Variants in MPDZ observed in about 807,000 individuals in gnomAD.
The protein encoded by MPDZ is multiple PDZ domain protein.
Under a neutral mutation model 239.1 loss-of-function variants are expected in MPDZ, and 234 were observed. The observed-to-expected ratio is 0.98, with a 90% CI of 0.88 to 1.09. MPDZ has a LOEUF of 1.09. Ranked by LOEUF, MPDZ falls within the 50% of genes least tolerant of loss-of-function variation. The pLI is 0.00. For synonymous variants in MPDZ, 1,048 were observed against 881.3 expected (o/e 1.19, Z -3.35); for missense variants, 3,175 against 2,510.0 (o/e 1.26, Z -5.66).
intron 17 of MPDZ, among the ~76,000 whole-genome samples, chr9:13,188,128 A>AT (rs1191005615): frequency 6.6e-6 from 1 of 152,142 alleles, no homozygotes; most frequent in Non-Finnish European, 1.5e-5. Flanking sequence ...AATGCTATTA[A>AT]TTTTTTTAAC....
chr9:13,186,303 A>T lies in MPDZ; in HGVS notation c.2448T>A (p.Ala816=), dbSNP rs1356889438. The T allele has an allele frequency of 1.3e-6, 2 of 1,594,480 alleles. No homozygotes were observed. The highest frequency in any genetic ancestry group is 2.3e-5 in the South Asian group (2 of 87,392). The change falls in exon 18 of 47, where the codon GCT becomes GCA. Residue 816 remains alanine (A), a synonymous_variant. Coordinates refer to ENST00000319217, the MANE Select transcript of MPDZ (RefSeq NM_001378778.1). ...PPHSCEEAGL[A]DKPLFRADLA... is the part of the protein sequence containing the mutation. ...AGTCAGCCCTGAAGAGGGGTTTGTCAGCCAGCCCTGCTTCCTCACAGGAGT... is the reference window on the plus strand; with the variant it reads ...AGTCAGCCCTGAAGAGGGGTTTGTCTGCCAGCCCTGCTTCCTCACAGGAGT...
intron 26 of MPDZ, among the ~76,000 whole-genome samples, chr9:13,146,758 T>C (rs2132799435): frequency 6.6e-6 from 1 of 152,172 alleles, no homozygotes; most frequent in South Asian, 2.1e-4. Flanking sequence ...AATTTTTTTT[T>C]TCATGAGGCA....
chr9:13,115,066 C>A (rs1943171711), intron 40 of MPDZ, among the ~76,000 whole-genome samples, 182 bp downstream of exon 40: 1 of 152,140 alleles, frequency 6.6e-6, no homozygotes, highest in Non-Finnish European at 1.5e-5. Context: ...TACTCAACAG[C>A]CACACCTTGT....
In MPDZ at chr9:13,176,367, C is replaced by T. The variant is rs770487666; in HGVS notation, c.2700G>A (p.Leu900=). Residue 900 remains leucine (L), a synonymous_variant, in exon 20 of 47, where the codon CTG becomes CTA. Transcript: ENST00000319217. ...GGAGATTCTGGGTATATAGTTCCTC[C>T]AGAGACATATGCAGATCAAGTACTG... is the stretch of plus-strand genomic sequence containing the variant. ...CDPVLDLHMS[L]EELYTQNLLQ... 5.6e-6 allele frequency: 9 copies of T among 1,605,308 alleles called. No individual in the cohort carries two copies. The highest frequency in any genetic ancestry group is 1.7e-4 in the Middle Eastern group (1 of 6,048).
At chr9:13,271,175 T>C (rs150591789) in intron 1 of MPDZ, among the ~76,000 whole-genome samples, 109 of 152,340 alleles carry the variant, frequency 7.2e-4, no homozygotes, top group African/African-American at 2.5e-3. Context: ...TTTTAAACTA[T>C]TGACTTACAT....
At chr9:13,138,531 G>C (rs1283466492) in intron 28 of MPDZ, among the ~76,000 whole-genome samples, 1 of 152,232 alleles carries the variant, frequency 6.6e-6, no homozygotes, top group Non-Finnish European at 1.5e-5. Flanking sequence ...TCACTGATCA[G>C]TGGGAGCTTT....
intron 1 of MPDZ, 137 bp downstream of exon 1, chr9:13,279,263 A>ACCCCCCCCCCCGCCCCCG (rs1306373701): frequency 5.8e-5 from 2 of 34,422 alleles, no homozygotes; most frequent in Non-Finnish European, 6.3e-5. Flanking sequence ...CCCCACCCCC[A>ACCCCCCCCCCCGCCCCCG]CCCCCACCCC....
chr9:13,170,658 T>C (rs1332470803), intron 21 of MPDZ, among the ~76,000 whole-genome samples: 1 of 152,192 alleles, frequency 6.6e-6, no homozygotes, highest in Non-Finnish European at 1.5e-5. Context: ...CATCTTGTTC[T>C]TATTAGCACC....
At chr9:13,252,080 G>C (rs1968189701) in intron 1 of MPDZ, among the ~76,000 whole-genome samples, 1 of 152,146 alleles carries the variant, frequency 6.6e-6, no homozygotes, top group African/African-American at 2.4e-5. Context: ...TTAATGTCCA[G>C]TCAGTATATT....
intron 30 of MPDZ, 48 bp from the exon 31 acceptor site, chr9:13,136,230 T>C: frequency 7.7e-7 from 1 of 1,299,004 alleles, no homozygotes; most frequent in Non-Finnish European, 1.1e-6. Context: ...GGTATTATTT[T>C]CATTCTCTTA....
rs1941420069 is a variant in MPDZ, at chr9:13,106,046, T to C, written c.*919A>G. 1 of 152,204 alleles carries C rather than the reference T, an allele frequency of 6.6e-6. No individual in the cohort carries two copies. The highest frequency in any genetic ancestry group is 2.4e-5 in the African/African-American group (1 of 41,454). The allele number at this position is 152,204 out of a possible 1,614,324, so 9.4% of individuals were successfully genotyped here. ...ACCAAAATAATTAGTAACACATTGT[T>C]CTCTGTCATTAAGATTAATATGAAT... is the stretch of plus-strand genomic sequence containing the variant. On this transcript the variant is annotated 3_prime_UTR_variant, in exon 47 of 47. Transcript: ENST00000319217.
chr9:13,161,301 G>A (rs1313823714), intron 23 of MPDZ, among the ~76,000 whole-genome samples: 1 of 152,006 alleles, frequency 6.6e-6, no homozygotes, highest in African/African-American at 2.4e-5. Flanking sequence ...CAGGCATGGC[G>A]GCTCACGCTT....
intron 23 of MPDZ, among the ~76,000 whole-genome samples, chr9:13,161,575 A>G (rs1171451153): frequency 6.6e-6 from 1 of 151,282 alleles, no homozygotes; most frequent in Non-Finnish European, 1.5e-5. Flanking sequence ...CTCCGTCTCA[A>G]AAAAAAAAGA....
intron 19 of MPDZ, 43 bp downstream of exon 19, chr9:13,183,375 A>T: frequency 1.3e-6 from 2 of 1,532,530 alleles, no homozygotes; most frequent in South Asian, 2.5e-5. Context: ...AAAATTACAC[A>T]CAAGACTTTC....
In MPDZ at chr9:13,224,365, T is replaced by G. The variant is rs776382894; in HGVS notation, c.393+9A>C. 7 of 1,600,898 alleles carry G rather than the reference T, an allele frequency of 4.4e-6. No individual in the cohort carries two copies. The highest frequency in any genetic ancestry group is 4.0e-5 in the African/African-American group (3 of 74,418). ...TATTACAATAACTAACAGAAAGAAATGTTCTTACCTGGGCCATATTTTTGA... is the reference window on the plus strand; with the variant it reads ...TATTACAATAACTAACAGAAAGAAAGGTTCTTACCTGGGCCATATTTTTGA... On this transcript the variant is annotated intron_variant, in intron 4 of 46. Coordinates refer to ENST00000319217, the MANE Select transcript of MPDZ (RefSeq NM_001378778.1).
chr9:13,259,517 G>A (rs1436922058), intron 1 of MPDZ, among the ~76,000 whole-genome samples: 1 of 152,048 alleles, frequency 6.6e-6, no homozygotes, highest in Non-Finnish European at 1.5e-5. Context: ...GTGAATGAAA[G>A]GAAAAGAAAT....
chr9:13,154,415 T>C (rs1407218983), intron 24 of MPDZ, among the ~76,000 whole-genome samples: 2 of 152,180 alleles, frequency 1.3e-5, no homozygotes, highest in Admixed American at 1.3e-4. Context: ...AACACAGCTC[T>C]GAGGCCAGAC....
At chr9:13,127,073 C>T (rs1431691175) in intron 32 of MPDZ, among the ~76,000 whole-genome samples, 1 of 152,142 alleles carries the variant, frequency 6.6e-6, no homozygotes, top group Non-Finnish European at 1.5e-5. Context: ...ATAATTCAAC[C>T]AAAACATTCA....
intron 19 of MPDZ, among the ~76,000 whole-genome samples, chr9:13,178,162 G>A (rs1391196003): frequency 1.3e-5 from 2 of 151,874 alleles, no homozygotes; most frequent in African/African-American, 4.8e-5. Flanking sequence ...AGGAGGCTGA[G>A]GCAGGAGAAT....
Sources: allele counts gnomAD v4.1 joint callset (sites outside exome capture counted in the v4.1 genomes callset), GRCh38; gene constraint gnomAD v4.1.1; transcripts MANE v1.5; gene names NCBI Gene and HGNC (gene_info 2026-07-23, HGNC 2026-07-21).